ATL3: variants seen among roughly 807,000 people sequenced by gnomAD.
The protein encoded by ATL3 is atlastin-3.
Under a neutral mutation model 69.5 loss-of-function variants are expected in ATL3, and 49 were observed. The ratio of observed to expected loss-of-function variants is 0.71; its 90% CI spans 0.56 to 0.89. The LOEUF is 0.89. ATL3 is among the 40% of genes least tolerant of loss of function. The pLI, the probability that ATL3 is intolerant of heterozygous loss-of-function variation, is 0.00. For missense variants in ATL3, 606 were observed against 645.7 expected (o/e 0.94, Z 0.67); for synonymous variants, 214 against 224.1 (o/e 0.95, Z 0.40).
chr11:63,661,112 A>G (rs1262678027), intron 1 of ATL3, among the ~76,000 whole-genome samples: 1 of 151,722 alleles, frequency 6.6e-6, no homozygotes, highest in East Asian at 1.9e-4. Flanking sequence ...GGTCCCAGCT[A>G]CTGAAGAGGC....
intron 12 of ATL3, among the ~76,000 whole-genome samples, chr11:63,629,754 T>A (rs1479651662): frequency 1.3e-5 from 2 of 152,184 alleles, no homozygotes; most frequent in Non-Finnish European, 2.9e-5. Flanking sequence ...TCAGGTGTGG[T>A]GGCACTCGCC....
chr11:63,640,961 G>A (rs1375703254), intron 8 of ATL3, among the ~76,000 whole-genome samples: 1 of 152,094 alleles, frequency 6.6e-6, no homozygotes, highest in African/African-American at 2.4e-5. Flanking sequence ...CCTAGAAGTG[G>A]GATAGTGGAT....
intron 1 of ATL3, among the ~76,000 whole-genome samples, chr11:63,665,811 T>C (rs1018363832): frequency 1.3e-5 from 2 of 151,572 alleles, no homozygotes; most frequent in African/African-American, 4.9e-5. Flanking sequence ...GAGGCAGAGG[T>C]TGCAGTAAGT....
Position 63,631,143 on chromosome 11 carries a change from A to G in ATL3, c.1436T>C (p.Leu479Pro). ...VAQLFNCMVG[L>P]LLIALLTWGY... is the part of the protein sequence containing the mutation. ...CCAGGTGAGGAGTGCTATTAACAGT[A>G]GTCCAACCATACAGTTGAACAACTG... The change falls in exon 12 of 13, where the codon CTA becomes CCA. Residue 479 changes from leucine (L) to proline (P), a missense_variant. Transcript: ENST00000398868. 1 of 1,614,226 alleles carries G rather than the reference A, an allele frequency of 6.2e-7. No individual in the cohort carries two copies. Among genetic ancestry groups the G allele is most frequent in the Non-Finnish European group, 8.5e-7 (1 of 1,180,020 alleles).
chr11:63,635,893 A>AGGTG (rs1179926351), intron 9 of ATL3, among the ~76,000 whole-genome samples: 1 of 146,404 alleles, frequency 6.8e-6, no homozygotes, highest in African/African-American at 2.5e-5. Flanking sequence ...TGTCACATCT[A>AGGTG]GGTGCCGTCT....
At chr11:63,632,994 A>G in intron 11 of ATL3, 32 bp downstream of exon 11, 5 of 1,595,608 alleles carry the variant, frequency 3.1e-6, no homozygotes, top group East Asian at 2.2e-5. Flanking sequence ...CAGATTATAG[A>G]TATTTCAGAA....
chr11:63,629,569 C>A (rs1011895663), intron 12 of ATL3, among the ~76,000 whole-genome samples, 164 bp from the exon 13 acceptor site: 1 of 152,208 alleles, frequency 6.6e-6, no homozygotes, highest in African/African-American at 2.4e-5. Context: ...GCAGCTAACT[C>A]CCAAGAGAGC....
intron 5 of ATL3, among the ~76,000 whole-genome samples, chr11:63,647,859 A>T (rs1565276604): frequency 6.6e-6 from 1 of 152,248 alleles, no homozygotes; most frequent in African/African-American, 2.4e-5. Context: ...AACTGTCTCA[A>T]GTTTTGGCTT....
At chr11:63,646,099 G>C (rs1939869845) in intron 6 of ATL3, among the ~76,000 whole-genome samples, 1 of 151,824 alleles carries the variant, frequency 6.6e-6, no homozygotes, top group Admixed American at 6.6e-5. Context: ...ATGTTGCCCA[G>C]GCTGGTCTCA....
Position 63,631,185 on chromosome 11 carries a change from C to G in ATL3, c.1394G>C (p.Gly465Ala), listed in dbSNP as rs1939303482. 3 of 1,614,188 alleles carry G rather than the reference C, an allele frequency of 1.9e-6. No homozygotes were observed. Among genetic ancestry groups the G allele is most frequent in the Non-Finnish European group, 2.5e-6 (3 of 1,180,030 alleles). ...YIASGLTGFIGLEVVAQLFNC... is the reference protein window; with the variant it reads ...YIASGLTGFIALEVVAQLFNC... ...GAACAACTGGGCTACAACCTCAAGACCTATGAAGCCAGTGAGGCCTGAGGC... is the reference window on the plus strand; with the variant it reads ...GAACAACTGGGCTACAACCTCAAGAGCTATGAAGCCAGTGAGGCCTGAGGC... Residue 465 changes from glycine (G) to alanine (A), a missense_variant, in exon 12 of 13, where the codon GGT becomes GCT. Transcript: ENST00000398868.
chr11:63,639,104 T>A (rs1039110511), intron 8 of ATL3, among the ~76,000 whole-genome samples: 2 of 152,192 alleles, frequency 1.3e-5, no homozygotes, highest in African/African-American at 4.8e-5. Flanking sequence ...CCCTTTTTTT[T>A]AAATTCTGAA....
Position 63,625,414 on chromosome 11 carries a change from T to C in ATL3, c.*3905A>G, listed in dbSNP as rs908925703. 5 of 152,260 alleles carry C rather than the reference T, an allele frequency of 3.3e-5. No homozygotes were observed. Among genetic ancestry groups the C allele is most frequent in the Middle Eastern group, 3.4e-3 (1 of 294 alleles). The allele number at this position is 152,260 out of a possible 1,614,324, so 9.4% of individuals were successfully genotyped here. A position where few individuals can be genotyped will look rare whatever the true frequency, so the allele number is the denominator to read the frequency against. On this transcript the variant is annotated 3_prime_UTR_variant, in exon 13 of 13. Coordinates refer to ENST00000398868, the MANE Select transcript of ATL3 (RefSeq NM_015459.5). ...AGTTACATCATTTTTTAAAAGAACC[T>C]AGCAAAAAATTAAAAACTGTTTTAT...
chr11:63,627,644 T>C lies in ATL3; in HGVS notation c.*1675A>G, dbSNP rs1314502164. Reference sequence around the variant, plus strand: ...AAATTATCTTAGAAATTAAGGCTTATATACCTGAATGTTTATATAAATACT... The same window carrying C: ...AAATTATCTTAGAAATTAAGGCTTACATACCTGAATGTTTATATAAATACT... On this transcript the variant is annotated 3_prime_UTR_variant, in exon 13 of 13. Transcript: ENST00000398868. The C allele has an allele frequency of 2.0e-5, 3 of 152,234 alleles. No individual in the cohort carries two copies. The highest frequency in any genetic ancestry group is 4.4e-5 in the Non-Finnish European group (3 of 68,038). 9.4% of individuals were successfully genotyped at this position (152,234 alleles called of 1,614,324 possible). A position where few individuals can be genotyped will look rare whatever the true frequency, so the allele number is the denominator to read the frequency against.
intron 3 of ATL3, among the ~76,000 whole-genome samples, chr11:63,655,427 A>C (rs973974841): frequency 2.9e-4 from 43 of 148,886 alleles, no homozygotes; most frequent in African/African-American, 1.0e-3. Flanking sequence ...CTGGGAATAC[A>C]GGCGTGAGCC....
intron 11 of ATL3, chr11:63,632,267 C>T: frequency 1.3e-6 from 1 of 746,996 alleles, no homozygotes; most frequent in African/African-American, 1.7e-5. Context: ...GTTGGCTATG[C>T]TATTCAGTAT....
chr11:63,646,443 T>C (rs991476548), intron 6 of ATL3, 64 bp downstream of exon 6: 6 of 1,017,344 alleles, frequency 5.9e-6, no homozygotes, highest in Non-Finnish European at 7.5e-6. Context: ...CTATGAGCTG[T>C]AGTTTGCCAA....
intron 1 of ATL3, among the ~76,000 whole-genome samples, chr11:63,662,208 A>G (rs1265728025): frequency 6.8e-6 from 1 of 148,096 alleles, no homozygotes; most frequent in Non-Finnish European, 1.5e-5. Context: ...GCAAGACTCT[A>G]TCTCAAAAAA....
rs760136787 is a variant in ATL3 at position 63,636,222 on chromosome 11, T to C, written c.963A>G (p.Leu321=). 27 of 1,614,000 alleles carry C rather than the reference T, an allele frequency of 1.7e-5. No individual in the cohort carries two copies. The East Asian group carries it at 3.8e-4, about 23-fold the overall frequency. Residue 321 remains leucine, a synonymous_variant, in exon 9 of 13, where the codon CTA becomes CTG. Coordinates refer to ENST00000398868, the MANE Select transcript of ATL3 (RefSeq NM_015459.5). ...CCATATTTACCTTAAAATACTCCAG[T>C]AGTCCCCGACAGGTGACCTTTGAGC... ...INGSKVTCRG[L]LEYFKAYIKI...
intron 1 of ATL3, among the ~76,000 whole-genome samples, chr11:63,659,501 T>C (rs1940359270): frequency 6.6e-6 from 1 of 152,168 alleles, no homozygotes; most frequent in Non-Finnish European, 1.5e-5. Flanking sequence ...TGTATACCTG[T>C]AGTCCTAGCT....
Sources: gnomAD v4.1 joint callset for allele counts (sites outside exome capture counted in the v4.1 genomes callset) on GRCh38, gnomAD v4.1.1 for gene constraint, MANE v1.5 for transcripts, NCBI Gene and HGNC (gene_info 2026-07-23, HGNC 2026-07-21) for gene names.